The following KCNQ5 variants were observed in gnomAD, a reference collection of about 807,000 sequenced individuals.
KCNQ5 encodes the protein potassium voltage-gated channel subfamily KQT member 5.
KCNQ5 carries 30 observed loss-of-function variants against 98.2 expected under a neutral mutation model. That is an observed-to-expected ratio of 0.31 (90% confidence interval 0.23 to 0.41). The LOEUF is 0.41. Ranked by LOEUF, KCNQ5 falls within the 10% of genes least tolerant of loss-of-function variation. The probability of loss-of-function intolerance (pLI) is 1.00; values close to 1 mark genes in which losing one functional copy is unlikely to be tolerated. For missense variants in KCNQ5, 835 were observed against 1,182.5 expected, an observed-to-expected ratio of 0.71 and a Z score of 4.31; for synonymous variants, 458 against 449.4, an observed-to-expected ratio of 1.02 and a Z score of -0.24.
chr6:72,751,951 G>A, intron 1 of KCNQ5, among the ~76,000 whole-genome samples: 1 of 152,126 alleles, frequency 6.6e-6, no homozygotes, highest in East Asian at 1.9e-4. Flanking sequence ...CAAGTAGTTA[G>A]CAAGTAAATG....
In KCNQ5 at chr6:73,073,901, A is replaced by C. The variant is rs140396984; in HGVS notation, c.617-3421A>C. On this transcript the variant is annotated intron_variant, in intron 3 of 13. Transcript: ENST00000370398. ...TATGCATATACTTTAAATAATAGGG[A>C]GATTTTAAAATAAACTCTAATGGAT... 7.7e-3 allele frequency among the ~76,000 whole-genome samples: 1,179 copies of C among 152,286 alleles called. 14 individuals are homozygous for C. Among genetic ancestry groups the C allele is most frequent in the African/African-American group, 0.027 (1,127 of 41,564 alleles).
rs530101249 is a variant in KCNQ5, at chr6:73,194,600, A to G, written c.1985A>G (p.Asp662Gly). ...ACATCTGACTATCAAAGCCCTGTGG[A>G]TAGCAAAGATCTTTCGGGTTCCGCA... Reference protein sequence around the residue: ...EQTSDYQSPVDSKDLSGSAQN... With the variant: ...EQTSDYQSPVGSKDLSGSAQN... The change falls in exon 14 of 14, where the codon GAT becomes GGT. Residue 662 changes from aspartate to glycine, a missense_variant. Physicochemically the swap from Asp to Gly is moderately conservative, Grantham distance 94. This residue lies in a region of KCNQ5 where 416 missense variants were observed against 446.9 expected (regional missense o/e 0.93). Coordinates refer to ENST00000370398, the MANE Select transcript of KCNQ5 (RefSeq NM_019842.4). 1.2e-6 allele frequency: 2 copies of G among 1,614,218 alleles called. No individual in the cohort carries two copies. The highest frequency in any genetic ancestry group is 2.2e-5 in the South Asian group (2 of 91,082).
Position 72,698,302 on chromosome 6 carries a change from C to G in KCNQ5, c.398+75715C>G, listed in dbSNP as rs575344568. 1.6e-3 allele frequency among the ~76,000 whole-genome samples: 240 copies of G among 152,182 alleles called. 1 individual carries two copies. The highest frequency in any genetic ancestry group is 5.6e-3 in the African/African-American group (232 of 41,528). On this transcript the variant is annotated intron_variant, in intron 1 of 13. Coordinates refer to ENST00000370398, the MANE Select transcript of KCNQ5 (RefSeq NM_019842.4). Reference sequence around the variant, plus strand: ...ACCGGTAACCTCCGCCTCCCAGGCTCAAGCGACTCTCCTGCCTCAGCCTCC... The same window carrying G: ...ACCGGTAACCTCCGCCTCCCAGGCTGAAGCGACTCTCCTGCCTCAGCCTCC...
intron 1 of KCNQ5, among the ~76,000 whole-genome samples, chr6:72,631,607 G>T (rs10943045): frequency 0.18 from 26,984 of 152,198 alleles, 2,748 homozygotes; most frequent in Middle Eastern, 0.25. Flanking sequence ...CTTCAGTGAT[G>T]TTATAAACTC....
intron 1 of KCNQ5, among the ~76,000 whole-genome samples, chr6:72,650,907 A>T (rs2154472391): frequency 6.6e-6 from 1 of 152,176 alleles, no homozygotes; most frequent in African/African-American, 2.4e-5. Flanking sequence ...GGAGGAGAGG[A>T]TGGTCAGAGG....
chr6:72,743,189 A>G (rs1582206848), intron 1 of KCNQ5, among the ~76,000 whole-genome samples: 1 of 152,286 alleles, frequency 6.6e-6, no homozygotes. Context: ...AGAAGATTTA[A>G]AGGTCAAACT....
intron 1 of KCNQ5, among the ~76,000 whole-genome samples, chr6:72,913,032 T>G (rs1051080979): frequency 6.6e-6 from 1 of 152,176 alleles, no homozygotes; most frequent in Non-Finnish European, 1.5e-5. Context: ...GTAACAAACC[T>G]GCACATGTAC....
At chr6:73,057,770 C>CA (rs913913611) in intron 3 of KCNQ5, among the ~76,000 whole-genome samples, 6 of 151,394 alleles carry the variant, frequency 4.0e-5, no homozygotes, top group African/African-American at 9.7e-5. Flanking sequence ...TGTATGAAAC[C>CA]AAAAAAAAGC....
chr6:72,622,095 C>G lies in KCNQ5; in HGVS notation c.-95C>G, dbSNP rs2154471203. The G allele has an allele frequency of 9.0e-7, 1 of 1,113,154 alleles. No individual in the cohort carries two copies. The highest frequency in any genetic ancestry group is 1.1e-6 in the Non-Finnish European group (1 of 887,780). The allele number at this position is 1,113,154 out of a possible 1,614,324, so 69.0% of individuals were successfully genotyped here. On this transcript the variant is annotated 5_prime_UTR_variant, in exon 1 of 14. Transcript: ENST00000370398. This position sits in a 1 kb window ranked among gnomAD's most constrained non-coding sequence, Gnocchi z 6.0. ...CTCTGGCTGGCGGGCGCCCCGTCGG[C>G]CGCCGGCTTCCTCCTTGAAACCCGC...
In KCNQ5 at chr6:73,059,262, A is replaced by G. The variant is rs142979010; in HGVS notation, c.616+17200A>G. Among the ~76,000 whole-genome samples, 348 of 152,344 alleles carry G rather than the reference A, an allele frequency of 2.3e-3. 1 individual carries two copies. The highest frequency in any genetic ancestry group is 2.4e-3 in the Non-Finnish European group (163 of 68,028). On this transcript the variant is annotated intron_variant, in intron 3 of 13. Coordinates refer to ENST00000370398, the MANE Select transcript of KCNQ5 (RefSeq NM_019842.4). ...AAAGAACAAGATCATGTCTTTTGCA[A>G]CAACATGGATGAGGCTGGAGGCCAT...
At chr6:72,981,961 G>A (rs1396225329) in intron 1 of KCNQ5, among the ~76,000 whole-genome samples, 5 of 152,170 alleles carry the variant, frequency 3.3e-5, no homozygotes, top group Admixed American at 6.5e-5. Flanking sequence ...ACAGTCATGC[G>A]ATTTTGAGTG....
chr6:73,183,481 T>C (rs1040427652), intron 11 of KCNQ5, among the ~76,000 whole-genome samples: 1 of 152,176 alleles, frequency 6.6e-6, no homozygotes, highest in Non-Finnish European at 1.5e-5. Context: ...TTGTTCACCT[T>C]TGTATCCCCG....
chr6:73,080,046 T>C (rs1329171427), intron 5 of KCNQ5, among the ~76,000 whole-genome samples: 1 of 152,258 alleles, frequency 6.6e-6, no homozygotes, highest in Non-Finnish European at 1.5e-5. Flanking sequence ...TTCTTTTTAT[T>C]AGTCTTCCAT....
intron 1 of KCNQ5, among the ~76,000 whole-genome samples, chr6:72,833,761 GTTTTT>G (rs1776387879): frequency 6.6e-6 from 1 of 151,820 alleles, no homozygotes; most frequent in South Asian, 2.1e-4. Context: ...AGTTGCATGG[GTTTTT>G]TTCAGTATTT....
intron 1 of KCNQ5, among the ~76,000 whole-genome samples, chr6:72,905,828 G>A (rs373976992): frequency 1.1e-4 from 17 of 152,230 alleles, no homozygotes; most frequent in African/African-American, 3.4e-4. Context: ...CTCTATGCTC[G>A]TTCTTAACTT....
chr6:73,189,270 A>G (rs1319829451), intron 11 of KCNQ5, among the ~76,000 whole-genome samples: 1 of 152,212 alleles, frequency 6.6e-6, no homozygotes, highest in Non-Finnish European at 1.5e-5. Flanking sequence ...GGGGGGAAAT[A>G]CAAAACCTAT....
chr6:72,940,643 G>A (rs368863062), intron 1 of KCNQ5, among the ~76,000 whole-genome samples: 14 of 152,264 alleles, frequency 9.2e-5, no homozygotes, highest in East Asian at 7.7e-4. Context: ...AATAAAGACC[G>A]CTAAGACAAA....
intron 1 of KCNQ5, among the ~76,000 whole-genome samples, chr6:72,811,559 AAG>A (rs1775242385): frequency 6.6e-6 from 1 of 152,242 alleles, no homozygotes; most frequent in Non-Finnish European, 1.5e-5. Flanking sequence ...GTAAAAGAGT[AAG>A]AGACTCCTCT....
In KCNQ5 at chr6:72,929,582, T is replaced by TA. The variant is rs1236851651; in HGVS notation, c.399-74323dup. 2.0e-5 allele frequency among the ~76,000 whole-genome samples: 3 copies of TA among 152,080 alleles called. No homozygotes were observed. The South Asian group carries it at 6.2e-4, about 31-fold the overall frequency. ...CTTGCAGTTGTGCCAATGGAATACA[T>TA]AAAGTACATAAAGTACAATGGAGTA... On this transcript the variant is annotated intron_variant, in intron 1 of 13. Coordinates refer to ENST00000370398, the MANE Select transcript of KCNQ5 (RefSeq NM_019842.4).
Sources: allele counts gnomAD v4.1 joint callset (sites outside exome capture counted in the v4.1 genomes callset), GRCh38; gene constraint gnomAD v4.1.1; regional missense constraint gnomAD v4.1.1; non-coding constraint Gnocchi (gnomAD v3.1); transcripts MANE v1.5; gene names NCBI Gene and HGNC (gene_info 2026-07-23, HGNC 2026-07-21).